Variants in SLC3A2 observed in about 807,000 individuals in gnomAD.
SLC3A2 encodes the protein solute carrier family 3 member 2.
In SLC3A2, 32 loss-of-function variants were observed where a neutral mutation model predicts 48.5. The ratio of observed to expected loss-of-function variants is 0.66; its 90% CI spans 0.50 to 0.89. SLC3A2 has a LOEUF of 0.89. SLC3A2 is among the 40% of genes least tolerant of loss of function. SLC3A2 has a pLI of 0.00. For synonymous variants in SLC3A2, 277 were observed against 288.8 expected, an observed-to-expected ratio of 0.96 and a Z score of 0.41; for missense variants, 587 against 680.7, an observed-to-expected ratio of 0.86 and a Z score of 1.53.
intron 1 of SLC3A2, among the ~76,000 whole-genome samples, chr11:62,868,938 G>A (rs894431998): frequency 6.6e-5 from 10 of 151,644 alleles, no homozygotes; most frequent in African/African-American, 1.7e-4. Context: ...TCATTCTGTC[G>A]CCCAGGCTGG....
intron 3 of SLC3A2, 129 bp from the exon 4 acceptor site, chr11:62,884,328 C>A: frequency 1.1e-6 from 1 of 944,824 alleles, no homozygotes; most frequent in Non-Finnish European, 1.7e-6. Flanking sequence ...GGGGAAGACC[C>A]AGGCAAGGCA....
At position 62,888,844 on chromosome 11, in the gene SLC3A2, C is replaced by G. The variant is rs6932; in HGVS notation, c.*151C>G. 10,089 of 724,700 alleles carry G rather than the reference C, an allele frequency of 0.014. 79 individuals carry two copies. The highest frequency in any genetic ancestry group is 0.018 in the Non-Finnish European group (8,132 of 452,914). The allele number at this position is 724,700 out of a possible 1,614,324, so 44.9% of individuals were successfully genotyped here. On this transcript the variant is annotated 3_prime_UTR_variant, in exon 9 of 9. Coordinates refer to ENST00000338663, the MANE Select transcript of SLC3A2 (RefSeq NM_001013251.3). ...GTGTTTTCTGCCTTCAAATAAAAGT[C>G]ACCCCTGCATGGTGAAGTCTTCCCT...
intron 1 of SLC3A2, among the ~76,000 whole-genome samples, chr11:62,858,870 G>C (rs1282691459): frequency 6.6e-6 from 1 of 152,218 alleles, no homozygotes; most frequent in Non-Finnish European, 1.5e-5. Flanking sequence ...TTACAAAGCA[G>C]TATTGCTGCC....
intron 1 of SLC3A2, among the ~76,000 whole-genome samples, chr11:62,873,867 A>G (rs1352783254): frequency 6.8e-6 from 1 of 147,910 alleles, no homozygotes; most frequent in Admixed American, 6.7e-5. Context: ...CAGTGGTGCA[A>G]TCATAACTCA....
At chr11:62,867,548 TC>T (rs1404909076) in intron 1 of SLC3A2, among the ~76,000 whole-genome samples, 5 of 151,350 alleles carry the variant, frequency 3.3e-5, no homozygotes, top group Non-Finnish European at 7.4e-5. Context: ...ATGGTCTCGA[TC>T]CCCTGACCTT....
intron 1 of SLC3A2, among the ~76,000 whole-genome samples, chr11:62,859,683 G>A (rs2085377322): frequency 6.6e-6 from 1 of 152,158 alleles, no homozygotes; most frequent in South Asian, 2.1e-4. Flanking sequence ...ACAAGAGTGA[G>A]TCTCAAAAAC....
intron 1 of SLC3A2, among the ~76,000 whole-genome samples, chr11:62,866,015 T>C (rs926087727): frequency 1.4e-4 from 21 of 152,184 alleles, no homozygotes; most frequent in Non-Finnish European, 1.5e-5. Context: ...CTTGATGGTC[T>C]TGTAAATGTG....
chr11:62,856,533 G>A lies in SLC3A2; in HGVS notation c.112+152G>A, dbSNP rs191068979. On this transcript the variant is annotated intron_variant, in intron 1 of 9. Transcript: ENST00000377889. ...CCTGCCTTCTGGTGCGTTTTCTTTA[G>A]ATCTTGGACTACTACGGGCCAACAT... 1.1e-4 allele frequency: 69 copies of A among 634,726 alleles called. No individual in the cohort carries two copies. The East Asian group carries it at 1.4e-3, about 13-fold the overall frequency. The allele number at this position is 634,726 out of a possible 1,614,324, so 39.3% of individuals were successfully genotyped here. A position where few individuals can be genotyped will look rare whatever the true frequency, so the allele number is the denominator to read the frequency against.
upstream of SLC3A2, chr11:62,880,889 G>C: frequency 4.9e-6 from 7 of 1,434,086 alleles, no homozygotes; most frequent in Non-Finnish European, 6.4e-6. Context: ...CGCGCCTGCT[G>C]CTGAGCAGAT....
At chr11:62,884,830 T>C in intron 5 of SLC3A2, 140 bp downstream of exon 5, 1 of 584,554 alleles carries the variant, frequency 1.7e-6, no homozygotes, top group Non-Finnish European at 2.6e-6. Flanking sequence ...TTTTTTTTTT[T>C]TTTTTTTTTT....
chr11:62,886,329 G>A (rs925176947), intron 7 of SLC3A2: 1 of 150,958 alleles, frequency 6.6e-6, no homozygotes, highest in Admixed American at 6.6e-5. Flanking sequence ...GAAATACATG[G>A]TAGGGATACT....
At chr11:62,856,188 G>T in exon 1 of SLC3A2, 3 of 1,102,510 alleles carry the variant, frequency 2.7e-6, no homozygotes, top group Non-Finnish European at 1.3e-6. Flanking sequence ...CTGGACTGAC[G>T]GTCACGACTG....
chr11:62,887,710 A>G (rs890945870), intron 7 of SLC3A2, among the ~76,000 whole-genome samples: 12 of 152,210 alleles, frequency 7.9e-5, no homozygotes, highest in Admixed American at 7.8e-4. Flanking sequence ...AAAAAAAAAA[A>G]AAAAAAAAAG....
upstream of SLC3A2, chr11:62,856,115 C>T: frequency 1.7e-6 from 1 of 584,680 alleles, no homozygotes; most frequent in Admixed American, 3.5e-5. Context: ...GACCGCATTG[C>T]GGCTTGGTTT....
Position 62,863,147 on chromosome 11 carries a change from C to T in SLC3A2, c.112+6766C>T, listed in dbSNP as rs1247745756. On this transcript the variant is annotated intron_variant, in intron 1 of 9. Coordinates refer to the SLC3A2 transcript ENST00000377889. ...TGTTGGCCAGGCTAGTCTCGAACCC[C>T]TGACCTTAAGTGATCAGCCTGGCTT... is the stretch of plus-strand genomic sequence containing the variant. Among the ~76,000 whole-genome samples, 3 of 152,324 alleles carry T rather than the reference C, an allele frequency of 2.0e-5. No homozygotes were observed. The East Asian group carries it at 5.8e-4, about 29-fold the overall frequency.
intron 1 of SLC3A2, among the ~76,000 whole-genome samples, chr11:62,860,799 T>C (rs1432140005): frequency 1.3e-5 from 2 of 152,234 alleles, no homozygotes; most frequent in Non-Finnish European, 2.9e-5. Flanking sequence ...CAGTGCACTG[T>C]GTCCCTGGGT....
intron 7 of SLC3A2, 104 bp downstream of exon 7, chr11:62,885,712 G>T: frequency 7.7e-7 from 1 of 1,298,814 alleles, no homozygotes; most frequent in Non-Finnish European, 1.1e-6. Flanking sequence ...GTGAAAACGC[G>T]TTTGATTCTT....
Position 62,884,507 on chromosome 11 carries a change from G to T in SLC3A2, c.741G>T (p.Arg247=). The T allele has an allele frequency of 6.2e-7, 1 of 1,614,216 alleles. No individual in the cohort carries two copies. The change falls in exon 4 of 9, where the codon CGG becomes CGT. Residue 247 remains arginine (R), a synonymous_variant. Coordinates refer to ENST00000338663, the MANE Select transcript of SLC3A2 (RefSeq NM_001013251.3). The part of the protein sequence containing the change: ...LQAGVDGFQV[R]DIENLKDASS... ...CTGGCGTGGATGGGTTCCAGGTTCG[G>T]GACATAGAGAATCTGAAGGTGAGTT...
At chr11:62,860,631 C>T (rs933172529) in intron 1 of SLC3A2, among the ~76,000 whole-genome samples, 3 of 152,250 alleles carry the variant, frequency 2.0e-5, no homozygotes, top group African/African-American at 7.2e-5. Context: ...AGAGGCCTTC[C>T]TCTTTCACTA....
Sources: gnomAD v4.1 joint callset for allele counts (sites outside exome capture counted in the v4.1 genomes callset) on GRCh38, gnomAD v4.1.1 for gene constraint, MANE v1.5 for transcripts, NCBI Gene and HGNC (gene_info 2026-07-23, HGNC 2026-07-21) for gene names.